SH3PXD2A: variants seen among roughly 807,000 people sequenced by gnomAD.
SH3PXD2A encodes the protein SH3 and PX domain-containing protein 2A.
In SH3PXD2A, 32 loss-of-function variants were observed where a neutral mutation model predicts 115.2. That is an observed-to-expected ratio of 0.28 (90% CI 0.21 to 0.37). SH3PXD2A has a LOEUF of 0.37. SH3PXD2A is among the 10% of genes least tolerant of loss of function. The pLI, the probability that SH3PXD2A is intolerant of heterozygous loss-of-function variation, is 1.00. For synonymous variants in SH3PXD2A, 610 were observed against 629.1 expected (o/e 0.97, Z 0.45); for missense variants, 1,328 against 1,498.7 (o/e 0.89, Z 1.88).
At chr10:103,837,242 C>T (rs1484518080) in intron 1 of SH3PXD2A, among the ~76,000 whole-genome samples, 2 of 152,380 alleles carry the variant, frequency 1.3e-5, no homozygotes, top group South Asian at 2.1e-4. Context: ...TCCTCTCTAA[C>T]GAGAAACCCA....
chr10:103,631,455 T>C (rs752465140), intron 8 of SH3PXD2A, among the ~76,000 whole-genome samples: 17 of 152,288 alleles, frequency 1.1e-4, no homozygotes, highest in Non-Finnish European at 2.2e-4. Flanking sequence ...GCTGAAACCA[T>C]AGAAAGCAAA....
intron 6 of SH3PXD2A, among the ~76,000 whole-genome samples, chr10:103,673,802 A>G (rs917258624): frequency 2.6e-5 from 4 of 152,210 alleles, no homozygotes; most frequent in Non-Finnish European, 5.9e-5. Context: ...TACAGCCAAC[A>G]GCGAAAACTC....
rs1418502679 is a variant in SH3PXD2A, at chr10:103,594,998, C to T, written c.*6818G>A. On this transcript the variant is annotated 3_prime_UTR_variant, in exon 15 of 15. Transcript: ENST00000369774. ...CCATTGTGGTCACTGCTCTTTGAGC[C>T]ATACAACTTGAGAGACTGGCTTTGG... The T allele has an allele frequency of 2.0e-5, 3 of 152,212 alleles. No individual in the cohort carries two copies. The highest frequency in any genetic ancestry group is 1.3e-4 in the Admixed American group (2 of 15,280). The allele number at this position is 152,212 out of a possible 1,614,324, so 9.4% of individuals were successfully genotyped here.
At chr10:103,743,439 G>A (rs1052675113) in intron 3 of SH3PXD2A, among the ~76,000 whole-genome samples, 7 of 152,064 alleles carry the variant, frequency 4.6e-5, no homozygotes, top group African/African-American at 1.4e-4. Flanking sequence ...CACCCAGGCT[G>A]GAGTGCAGTG....
chr10:103,763,710 G>A (rs957478254), intron 3 of SH3PXD2A, among the ~76,000 whole-genome samples: 3 of 151,700 alleles, frequency 2.0e-5, no homozygotes, highest in Non-Finnish European at 4.4e-5. Flanking sequence ...GTGGGCTACT[G>A]CTAGGGGCTT....
At chr10:103,816,882 G>T (rs1481722277) in intron 1 of SH3PXD2A, among the ~76,000 whole-genome samples, 1 of 152,014 alleles carries the variant, frequency 6.6e-6, no homozygotes, top group Non-Finnish European at 1.5e-5. Flanking sequence ...CTGTCGTCCA[G>T]GCTGGAGTAC....
At chr10:103,847,951 AAC>A (rs202012184) in intron 1 of SH3PXD2A, among the ~76,000 whole-genome samples, 92 of 3,712 alleles carry the variant, frequency 0.025, 1 homozygote, top group Middle Eastern at 0.25. Flanking sequence ...AAAAAAAAAA[AAC>A]CAACTAAAAC....
intron 8 of SH3PXD2A, among the ~76,000 whole-genome samples, chr10:103,634,140 C>T (rs2036830214): frequency 6.6e-6 from 1 of 152,250 alleles, no homozygotes; most frequent in African/African-American, 2.4e-5. Context: ...CAGACCCATC[C>T]TCCATCCGGG....
chr10:103,664,499 A>G (rs1358097516), intron 7 of SH3PXD2A, among the ~76,000 whole-genome samples: 4 of 152,148 alleles, frequency 2.6e-5, no homozygotes, highest in Non-Finnish European at 4.4e-5. Flanking sequence ...CACAGCTGGG[A>G]TTGAACCCAA....
intron 1 of SH3PXD2A, among the ~76,000 whole-genome samples, chr10:103,810,952 G>A (rs533320485): frequency 0.024 from 485 of 19,932 alleles, 6 homozygotes; most frequent in African/African-American, 0.044. Context: ...GCGCGCGCGC[G>A]CACACACACA....
intron 8 of SH3PXD2A, among the ~76,000 whole-genome samples, chr10:103,638,137 C>G (rs2036894986): frequency 6.6e-6 from 1 of 152,214 alleles, no homozygotes; most frequent in Non-Finnish European, 1.5e-5. Context: ...CCTTCATGAG[C>G]CACTCAGCGG....
intron 1 of SH3PXD2A, among the ~76,000 whole-genome samples, chr10:103,806,212 C>A (rs990372222): frequency 2.0e-5 from 3 of 152,094 alleles, no homozygotes; most frequent in Non-Finnish European, 4.4e-5. Flanking sequence ...CCCAGCCTAC[C>A]CCCCTGGACA....
At position 103,601,616 on chromosome 10, in the gene SH3PXD2A, G is replaced by A. The variant is rs2036215244; in HGVS notation, c.*200C>T. 1.8e-6 allele frequency: 1 copy of A among 549,340 alleles called. No homozygotes were observed. The highest frequency in any genetic ancestry group is 2.3e-5 in the South Asian group (1 of 44,038). The allele number at this position is 549,340 out of a possible 1,614,324, so 34.0% of individuals were successfully genotyped here. A position where few individuals can be genotyped will look rare whatever the true frequency, so the allele number is the denominator to read the frequency against. On this transcript the variant is annotated 3_prime_UTR_variant, in exon 15 of 15. Coordinates refer to ENST00000369774, the MANE Select transcript of SH3PXD2A (RefSeq NM_001394015.1). ...GTCCATTCCCTTCCTCACTCAGTGT[G>A]GGCACCCCCATCCCCTACCTTCCAG...
intron 4 of SH3PXD2A, among the ~76,000 whole-genome samples, chr10:103,735,497 A>G (rs907979707): frequency 6.6e-6 from 1 of 152,200 alleles, no homozygotes; most frequent in Non-Finnish European, 1.5e-5. Flanking sequence ...TTTTGTAAAC[A>G]TGGATATGTC....
intron 3 of SH3PXD2A, chr10:103,736,883 C>T: frequency 2.6e-6 from 2 of 782,224 alleles, no homozygotes; most frequent in South Asian, 1.4e-5. Context: ...TCTAGCCACA[C>T]CCCCTAGCAA....
chr10:103,838,324 C>G (rs979369475), intron 1 of SH3PXD2A, among the ~76,000 whole-genome samples: 23 of 152,214 alleles, frequency 1.5e-4, no homozygotes, highest in Non-Finnish European at 2.8e-4. Context: ...GGCACCTTAG[C>G]AGGGCTTTTG....
intron 1 of SH3PXD2A, among the ~76,000 whole-genome samples, chr10:103,810,952 GCACACACACACA>G (rs71476608): frequency 5.0e-5 from 1 of 19,872 alleles, no homozygotes; most frequent in Admixed American, 4.4e-4. Flanking sequence ...GCGCGCGCGC[GCACACACACACA>G]CACACACACA....
At chr10:103,633,893 A>G (rs1053222830) in intron 8 of SH3PXD2A, among the ~76,000 whole-genome samples, 4 of 152,200 alleles carry the variant, frequency 2.6e-5, no homozygotes, top group Admixed American at 6.5e-5. Flanking sequence ...CTTCTGGTGC[A>G]GCAGAGATGT....
intron 1 of SH3PXD2A, among the ~76,000 whole-genome samples, chr10:103,848,073 G>A (rs370521910): frequency 2.0e-5 from 3 of 152,204 alleles, no homozygotes; most frequent in African/African-American, 4.8e-5. Context: ...CAGAACCTAC[G>A]AGGATGGGCG....
Sources: gnomAD v4.1 joint callset for allele counts (sites outside exome capture counted in the v4.1 genomes callset) on GRCh38, gnomAD v4.1.1 for gene constraint, MANE v1.5 for transcripts, NCBI Gene and HGNC (gene_info 2026-07-23, HGNC 2026-07-21) for gene names.